The following DCC variants were observed in gnomAD, a reference collection of about 807,000 sequenced individuals.
DCC encodes DCC netrin 1 receptor, also known as netrin receptor DCC.
Under a neutral mutation model 172.5 loss-of-function variants are expected in DCC, and 58 were observed. That is an observed-to-expected ratio of 0.34 (90% CI 0.27 to 0.42). The LOEUF is 0.42. Among genes scored for constraint, DCC ranks in the 10% least tolerant of loss-of-function variants. The pLI is 1.00. For synonymous variants in DCC, 709 were observed against 644.5 expected, an observed-to-expected ratio of 1.10 and a Z score of -1.52; for missense variants, 1,740 against 1,791.0, an observed-to-expected ratio of 0.97 and a Z score of 0.51.
intron 12 of DCC, among the ~76,000 whole-genome samples, chr18:53,236,188 G>A (rs564379267): frequency 1.1e-4 from 16 of 152,070 alleles, no homozygotes; most frequent in African/African-American, 1.7e-4. Context: ...TTTTGTATTC[G>A]CAACAGAGGT....
intron 14 of DCC, among the ~76,000 whole-genome samples, chr18:53,323,165 C>T (rs746814412): frequency 6.6e-6 from 1 of 151,982 alleles, no homozygotes; most frequent in Non-Finnish European, 1.5e-5. Flanking sequence ...TCTCTCTTTC[C>T]ATGTCTTCCT....
chr18:53,090,698 C>CAACAAAAAAAA (rs2042990907), intron 7 of DCC, among the ~76,000 whole-genome samples: 3 of 39,356 alleles, frequency 7.6e-5, no homozygotes, highest in Non-Finnish European at 5.5e-5. Flanking sequence ...CGTCCCCCAA[C>CAACAAAAAAAA]AAAAAAAAAA....
At chr18:52,750,728 G>T (rs1469544361) in intron 1 of DCC, among the ~76,000 whole-genome samples, 1 of 152,164 alleles carries the variant, frequency 6.6e-6, no homozygotes, top group African/African-American at 2.4e-5. Context: ...AAATAGTTCT[G>T]TCCATCAGGA....
At chr18:52,697,415 C>T (rs940141858) in intron 1 of DCC, among the ~76,000 whole-genome samples, 3 of 152,180 alleles carry the variant, frequency 2.0e-5, no homozygotes, top group African/African-American at 4.8e-5. Flanking sequence ...TTGAAGGACC[C>T]TAGAGGTCTC....
chr18:53,176,595 T>G (rs1374928294), intron 8 of DCC, among the ~76,000 whole-genome samples: 1 of 152,162 alleles, frequency 6.6e-6, no homozygotes, highest in Non-Finnish European at 1.5e-5. Flanking sequence ...TCATCACTGG[T>G]CATCAGGGAA....
chr18:52,877,382 T>G (rs2039419402), intron 2 of DCC, among the ~76,000 whole-genome samples: 1 of 151,952 alleles, frequency 6.6e-6, no homozygotes, highest in African/African-American at 2.4e-5. Context: ...GTGTGTGTGT[T>G]TCTAAATATG....
intron 1 of DCC, among the ~76,000 whole-genome samples, chr18:52,631,555 C>T (rs1316030348): frequency 1.3e-5 from 2 of 152,100 alleles, no homozygotes; most frequent in Admixed American, 6.5e-5. Flanking sequence ...TTGGGCCTAC[C>T]CATTTTCCCA....
intron 1 of DCC, among the ~76,000 whole-genome samples, chr18:52,711,233 T>C (rs2036286728): frequency 6.6e-6 from 1 of 152,170 alleles, no homozygotes; most frequent in Non-Finnish European, 1.5e-5. Flanking sequence ...TATTTATTTG[T>C]TTTTTTATTT....
intron 9 of DCC, among the ~76,000 whole-genome samples, chr18:53,200,479 C>A (rs562821671): frequency 6.6e-6 from 1 of 152,156 alleles, no homozygotes; most frequent in Non-Finnish European, 1.5e-5. Flanking sequence ...CAACATTGTG[C>A]ATATCCTTGT....
At chr18:52,834,041 C>G (rs2038661710) in intron 2 of DCC, among the ~76,000 whole-genome samples, 1 of 152,140 alleles carries the variant, frequency 6.6e-6, no homozygotes, top group Non-Finnish European at 1.5e-5. Context: ...TACACAGCAG[C>G]TTCTGCAGAA....
chr18:52,436,520 T>G (rs113802190), intron 1 of DCC, among the ~76,000 whole-genome samples: 17 of 152,242 alleles, frequency 1.1e-4, no homozygotes, highest in African/African-American at 3.9e-4. Context: ...ATCTCGGACC[T>G]ACCAACTTAC....
chr18:53,439,460 C>T (rs1310810711), intron 22 of DCC, among the ~76,000 whole-genome samples: 2 of 152,098 alleles, frequency 1.3e-5, no homozygotes, highest in East Asian at 3.9e-4. Context: ...ATAGAGGTTT[C>T]CTAGCTCCCT....
At chr18:53,431,475 TTG>T (rs1180985946) in intron 21 of DCC, among the ~76,000 whole-genome samples, 13 of 56,734 alleles carry the variant, frequency 2.3e-4, no homozygotes, top group East Asian at 6.4e-4. Flanking sequence ...TTGTTTTTTG[TTG>T]TTGTTGTTGT....
At chr18:52,978,385 G>A (rs1479043481) in intron 5 of DCC, among the ~76,000 whole-genome samples, 1 of 152,146 alleles carries the variant, frequency 6.6e-6, no homozygotes, top group African/African-American at 2.4e-5. Context: ...CACTCTGCAG[G>A]TCAATGGAGA....
At chr18:53,103,256 G>A (rs1056675376) in intron 7 of DCC, among the ~76,000 whole-genome samples, 2 of 152,020 alleles carry the variant, frequency 1.3e-5, no homozygotes, top group African/African-American at 4.8e-5. Context: ...CAGAACCAGG[G>A]TACATACTCT....
chr18:52,371,668 G>T (rs575167543), intron 1 of DCC, among the ~76,000 whole-genome samples: 2 of 152,326 alleles, frequency 1.3e-5, no homozygotes, highest in African/African-American at 4.8e-5. Flanking sequence ...GCAAAGCAAT[G>T]TATGGAGTTC....
intron 1 of DCC, among the ~76,000 whole-genome samples, chr18:52,383,695 A>T (rs966330550): frequency 3.3e-5 from 5 of 150,680 alleles, no homozygotes; most frequent in African/African-American, 1.2e-4. Context: ...ACCTTCCTTC[A>T]TTTTCCTGGT....
rs879564510 is a variant in DCC at position 53,469,125 on chromosome 18, A to G, written c.3736+1115A>G. The stretch of plus-strand genomic sequence containing the variant: ...TCCATTAACTCTGCCATTTCTTCCC[A>G]TCCCTCATCCCCTTCGTGTCCTCAT... On this transcript the variant is annotated intron_variant, in intron 25 of 28. Coordinates refer to ENST00000442544, the MANE Select transcript of DCC (RefSeq NM_005215.4). Among the ~76,000 whole-genome samples the G allele has an allele frequency of 7.9e-5, 12 of 152,172 alleles. 1 individual carries two copies. Among genetic ancestry groups the G allele is most frequent in the Admixed American group, 5.9e-4 (9 of 15,276 alleles).
intron 2 of DCC, among the ~76,000 whole-genome samples, chr18:52,902,826 G>C (rs926741095): frequency 1.3e-5 from 2 of 152,122 alleles, no homozygotes; most frequent in South Asian, 2.1e-4. Context: ...TTCCCATTTA[G>C]AGACAAAAAG....
Sources: allele counts gnomAD v4.1 joint callset (sites outside exome capture counted in the v4.1 genomes callset), GRCh38; gene constraint gnomAD v4.1.1; transcripts MANE v1.5; gene names NCBI Gene and HGNC (gene_info 2026-07-23, HGNC 2026-07-21).